The following SPPL3 variants were observed in gnomAD, a reference collection of about 807,000 sequenced individuals.
SPPL3 encodes the protein signal peptide peptidase like 3.
A neutral mutation model predicts 42.4 loss-of-function variants in SPPL3; 5 were observed. That is an observed-to-expected ratio of 0.12 (90% CI 0.06 to 0.25). The LOEUF is 0.25. Among genes scored for constraint, SPPL3 ranks in the 10% least tolerant of loss-of-function variants. The pLI, the probability that SPPL3 is intolerant of heterozygous loss-of-function variation, is 1.00. For synonymous variants in SPPL3, 195 were observed against 181.8 expected (o/e 1.07, Z -0.58); for missense variants, 235 against 489.0 (o/e 0.48, Z 4.90).
At chr12:120,768,659 G>A in intron 7 of SPPL3, 171 bp from the exon 8 acceptor site, 1 of 789,534 alleles carries the variant, frequency 1.3e-6, no homozygotes, top group Non-Finnish European at 2.0e-6. Flanking sequence ...GCCAATTTCT[G>A]CACTCTCCAC....
intron 2 of SPPL3, among the ~76,000 whole-genome samples, chr12:120,810,406 CTCTT>C (rs957487314): frequency 3.9e-5 from 6 of 151,944 alleles, no homozygotes; most frequent in African/African-American, 1.4e-4. Context: ...ATGAAATGTT[CTCTT>C]TGTCATTTTA....
At chr12:120,797,304 C>T (rs1190329840) in intron 2 of SPPL3, among the ~76,000 whole-genome samples, 9 of 150,868 alleles carry the variant, frequency 6.0e-5, no homozygotes, top group African/African-American at 2.2e-4. Flanking sequence ...TGCCTCTAGC[C>T]GTCTCTTTGG....
chr12:120,792,451 C>G (rs1031804373), intron 2 of SPPL3, among the ~76,000 whole-genome samples: 1 of 152,076 alleles, frequency 6.6e-6, no homozygotes, highest in Non-Finnish European at 1.5e-5. Context: ...CCTGTAATCC[C>G]AGCACTTTGG....
Position 120,769,072 on chromosome 12 carries a change from CAG to C in SPPL3, c.503-15_503-14del, listed in dbSNP as rs773459803. ...CCCATGGCCAGTGCTGGGGAGGAGA[CAG>C]GGTACAGCAGACAGCAGTCAGTGTG... On this transcript the variant is annotated splice_polypyrimidine_tract_variant and intron_variant, in intron 6 of 10. Coordinates refer to ENST00000353487, the MANE Select transcript of SPPL3 (RefSeq NM_139015.5). 1 of 1,589,654 alleles carries C rather than the reference CAG, an allele frequency of 6.3e-7. No homozygotes were observed. Among genetic ancestry groups the C allele is most frequent in the East Asian group, 2.3e-5 (1 of 44,326 alleles).
chr12:120,836,291 A>T (rs955603748), intron 1 of SPPL3, among the ~76,000 whole-genome samples: 2 of 152,074 alleles, frequency 1.3e-5, no homozygotes, highest in Admixed American at 6.6e-5. Flanking sequence ...TTGAAAAGAG[A>T]TCTAGCAGGC....
At position 120,781,555 on chromosome 12, in the gene SPPL3, G is replaced by GTGTTTTT. The variant is rs1869541007; in HGVS notation, c.502+1099_502+1100insAAAAACA. 3.0e-4 allele frequency among the ~76,000 whole-genome samples: 19 copies of GTGTTTTT among 63,010 alleles called. 4 individuals carry two copies. The highest frequency in any genetic ancestry group is 9.6e-4 in the African/African-American group (14 of 14,642). The allele number at this position is 63,010 out of a possible 152,430, so 41.3% of individuals were successfully genotyped here. A position where few individuals can be genotyped will look rare whatever the true frequency, so the allele number is the denominator to read the frequency against. ...TCTAATCCCATCTCCTTATTGTTAC[G>GTGTTTTT]TTTTTTTTTTTTTTTTTTTTTTTTT... is the stretch of plus-strand genomic sequence containing the variant. On this transcript the variant is annotated intron_variant, in intron 6 of 10. Coordinates refer to ENST00000353487, the MANE Select transcript of SPPL3 (RefSeq NM_139015.5).
intron 6 of SPPL3, among the ~76,000 whole-genome samples, chr12:120,773,592 C>T (rs770493692): frequency 1.3e-5 from 2 of 152,128 alleles, no homozygotes; most frequent in African/African-American, 2.4e-5. Flanking sequence ...TAAGTTTATT[C>T]GCCTCTGTGA....
intron 1 of SPPL3, among the ~76,000 whole-genome samples, chr12:120,870,482 T>C (rs1196494150): frequency 1.3e-5 from 2 of 151,392 alleles, no homozygotes; most frequent in African/African-American, 4.9e-5. Context: ...AATGCAAAAA[T>C]CAAACTGGGA....
chr12:120,784,478 T>C lies in SPPL3; in HGVS notation c.306A>G (p.Thr102=). ...GACAGAGAAACTCATATTTACCTGC[T>C]GTACATATTGTAAAAACTACTTGAA... ...DSVQVVFTIC[T]AVLATIAFAF... Residue 102 remains threonine, a synonymous_variant, in exon 4 of 11, where the codon ACA becomes ACG. Transcript: ENST00000353487. The C allele has an allele frequency of 6.2e-7, 1 of 1,606,758 alleles. No individual in the cohort carries two copies. The highest frequency in any genetic ancestry group is 1.3e-5 in the African/African-American group (1 of 74,536).
chr12:120,773,670 C>A (rs1282153246), intron 6 of SPPL3, among the ~76,000 whole-genome samples: 1 of 152,202 alleles, frequency 6.6e-6, no homozygotes, highest in Admixed American at 6.5e-5. Flanking sequence ...CTGTCGCCCA[C>A]GCTGAGTGCA....
intron 1 of SPPL3, among the ~76,000 whole-genome samples, chr12:120,819,264 T>TC (rs35822203): frequency 0.24 from 36,411 of 152,096 alleles, 5,549 homozygotes; most frequent in African/African-American, 0.42. Flanking sequence ...CACTGGACTA[T>TC]CCTGAACTTT....
Position 120,830,107 on chromosome 12 carries a change from A to G in SPPL3, c.24-19221T>C, listed in dbSNP as rs1456411232. On this transcript the variant is annotated intron_variant, in intron 1 of 10. Transcript: ENST00000353487. ...TAAGATGGTGGCTGGTACTGGGGTGAAACTCATGGTAGCTGTGAGAAGTTA... is the reference window on the plus strand; with the variant it reads ...TAAGATGGTGGCTGGTACTGGGGTGGAACTCATGGTAGCTGTGAGAAGTTA... 2.0e-5 allele frequency among the ~76,000 whole-genome samples: 3 copies of G among 149,896 alleles called. No homozygotes were observed. In the East Asian group the frequency reaches 5.9e-4, roughly 30 times the overall value.
intron 1 of SPPL3, among the ~76,000 whole-genome samples, chr12:120,903,009 AGCTTCTC>A (rs1296809920): frequency 3.9e-5 from 6 of 152,110 alleles, no homozygotes; most frequent in African/African-American, 1.4e-4. Context: ...ACTACACAGT[AGCTTCTC>A]GCTTCTCGGC....
intron 1 of SPPL3, among the ~76,000 whole-genome samples, chr12:120,840,099 T>G (rs1871764835): frequency 6.6e-6 from 1 of 150,638 alleles, no homozygotes. Flanking sequence ...GCCAAGATGG[T>G]GGAACCCCGT....
intron 8 of SPPL3, 30 bp downstream of exon 8, chr12:120,768,295 G>C (rs770350137): frequency 3.1e-6 from 5 of 1,596,742 alleles, no homozygotes; most frequent in Admixed American, 3.4e-5. Context: ...CAGGAAGACA[G>C]TGTGGTCCTG....
At chr12:120,768,798 G>A (rs866795419) in intron 7 of SPPL3, among the ~76,000 whole-genome samples, 155 bp downstream of exon 7, 5 of 152,160 alleles carry the variant, frequency 3.3e-5, no homozygotes, top group Admixed American at 2.0e-4. Flanking sequence ...CAAAAGGATC[G>A]GACTGCACAC....
chr12:120,873,302 C>A (rs539378365), intron 1 of SPPL3, among the ~76,000 whole-genome samples: 2 of 152,184 alleles, frequency 1.3e-5, no homozygotes, highest in South Asian at 4.2e-4. Flanking sequence ...GCCTAAGTAA[C>A]CTGTGGAACA....
chr12:120,848,009 T>C (rs1872099684), intron 1 of SPPL3, among the ~76,000 whole-genome samples: 1 of 152,190 alleles, frequency 6.6e-6, no homozygotes, highest in African/African-American at 2.4e-5. Flanking sequence ...TAAGGCATTA[T>C]GTAAAACTTA....
chr12:120,824,753 G>A (rs1011886680), intron 1 of SPPL3, among the ~76,000 whole-genome samples: 1 of 152,122 alleles, frequency 6.6e-6, no homozygotes, highest in African/African-American at 2.4e-5. Flanking sequence ...ACCCAAGCTG[G>A]TCTTGAACTC....
Sources: gnomAD v4.1 joint callset for allele counts (sites outside exome capture counted in the v4.1 genomes callset) on GRCh38, gnomAD v4.1.1 for gene constraint, MANE v1.5 for transcripts, NCBI Gene and HGNC (gene_info 2026-07-23, HGNC 2026-07-21) for gene names.